GALNT13: variants seen among roughly 807,000 people sequenced by gnomAD.
GALNT13 encodes the protein polypeptide N-acetylgalactosaminyltransferase 13, also known as UDP-GalNAc:polypeptide N-acetylgalactosaminyltransferase 13.
Under a neutral mutation model 64.2 loss-of-function variants are expected in GALNT13, and 28 were observed. The observed-to-expected ratio is 0.44, with a 90% CI of 0.32 to 0.60. The LOEUF (loss-of-function observed/expected upper bound fraction) is 0.60. Among genes scored for constraint, GALNT13 ranks in the 20% least tolerant of loss-of-function variants. The pLI, the probability that GALNT13 is intolerant of heterozygous loss-of-function variation, is 0.05. For synonymous variants in GALNT13, 214 were observed against 224.6 expected, an observed-to-expected ratio of 0.95 and a Z score of 0.42; for missense variants, 577 against 669.8, an observed-to-expected ratio of 0.86 and a Z score of 1.53.
At chr2:154,028,320 C>T (rs1448727206) in intron 3 of GALNT13, among the ~76,000 whole-genome samples, 1 of 152,154 alleles carries the variant, frequency 6.6e-6, no homozygotes, top group South Asian at 2.1e-4. Context: ...TTATTCTTCA[C>T]AAGGCCATGA....
the GALNT13 span, among the ~76,000 whole-genome samples, chr2:153,450,600 C>CT: frequency 3.4e-5 from 5 of 149,098 alleles, no homozygotes; most frequent in African/African-American, 1.2e-4. Flanking sequence ...TTGGTCCACA[C>CT]TTTAAATTGT....
the GALNT13 span, among the ~76,000 whole-genome samples, chr2:153,664,201 T>G: frequency 6.6e-6 from 1 of 152,080 alleles, no homozygotes; most frequent in Non-Finnish European, 1.5e-5. Flanking sequence ...GCATATTTCA[T>G]CCCTTATCTT....
chr2:153,572,806 CA>C, the GALNT13 span, among the ~76,000 whole-genome samples: 1 of 151,462 alleles, frequency 6.6e-6, no homozygotes, highest in Admixed American at 6.6e-5. Context: ...TCAGAGTAGA[CA>C]CTTGATATTA....
chr2:153,695,449 C>A, the GALNT13 span, among the ~76,000 whole-genome samples: 13 of 152,160 alleles, frequency 8.5e-5, no homozygotes, highest in Non-Finnish European at 1.8e-4. Context: ...ACAGCAACCA[C>A]ATATGGGCAG....
At chr2:154,327,492 G>A (rs1000585114) in intron 9 of GALNT13, among the ~76,000 whole-genome samples, 3 of 152,040 alleles carry the variant, frequency 2.0e-5, no homozygotes, top group Non-Finnish European at 4.4e-5. Flanking sequence ...GGTGACAGAG[G>A]GGAACTAATT....
chr2:153,505,414 T>G, the GALNT13 span, among the ~76,000 whole-genome samples: 1 of 152,148 alleles, frequency 6.6e-6, no homozygotes, highest in Admixed American at 6.5e-5. Flanking sequence ...TTTCTTCTGT[T>G]GGGTTTGGGT....
At chr2:154,200,660 G>T (rs371621501) in intron 4 of GALNT13, among the ~76,000 whole-genome samples, 1 of 152,120 alleles carries the variant, frequency 6.6e-6, no homozygotes, top group Non-Finnish European at 1.5e-5. Flanking sequence ...GGGCAAGAGG[G>T]CCAAGTATTG....
intron 1 of GALNT13, among the ~76,000 whole-genome samples, chr2:153,892,725 A>C (rs1220617519): frequency 6.6e-6 from 1 of 151,980 alleles, no homozygotes; most frequent in East Asian, 1.9e-4. Context: ...ATGAAATATA[A>C]ATTTCTTTAT....
At chr2:153,879,862 A>G (rs1387543287) in intron 1 of GALNT13, among the ~76,000 whole-genome samples, 2 of 152,232 alleles carry the variant, frequency 1.3e-5, no homozygotes, top group African/African-American at 2.4e-5. Flanking sequence ...TATAATTATG[A>G]ATGGGATAGT....
intron 3 of GALNT13, among the ~76,000 whole-genome samples, chr2:154,018,176 A>G (rs1258454184): frequency 2.0e-5 from 3 of 152,228 alleles, no homozygotes; most frequent in African/African-American, 7.2e-5. Context: ...GCAATCTCAT[A>G]CACTCAGTAA....
chr2:153,564,638 T>TA, the GALNT13 span, among the ~76,000 whole-genome samples: 1 of 152,078 alleles, frequency 6.6e-6, no homozygotes, highest in East Asian at 1.9e-4. Flanking sequence ...TTCTGATTTA[T>TA]AAAAAACCTC....
At chr2:154,165,361 T>A (rs979464864) in intron 4 of GALNT13, among the ~76,000 whole-genome samples, 12 of 152,150 alleles carry the variant, frequency 7.9e-5, no homozygotes, top group East Asian at 5.8e-4. Flanking sequence ...TTCTTTTTTT[T>A]AATTTTTCTT....
At chr2:154,149,942 T>C (rs1054945444) in intron 4 of GALNT13, among the ~76,000 whole-genome samples, 2 of 152,218 alleles carry the variant, frequency 1.3e-5, no homozygotes, top group Non-Finnish European at 2.9e-5. Flanking sequence ...CTGATTTCCC[T>C]GGCCAGAACG....
At chr2:154,024,570 G>C (rs890825644) in intron 3 of GALNT13, among the ~76,000 whole-genome samples, 1 of 151,986 alleles carries the variant, frequency 6.6e-6, no homozygotes, top group Non-Finnish European at 1.5e-5. Context: ...TCTCTGCGTT[G>C]GTTATTCTAG....
At chr2:153,109,451 G>C in the GALNT13 span, among the ~76,000 whole-genome samples, 1 of 152,142 alleles carries the variant, frequency 6.6e-6, no homozygotes, top group African/African-American at 2.4e-5. Flanking sequence ...CCCTTTCAGA[G>C]AGTTCAATTG....
chr2:153,364,741 C>T, the GALNT13 span, among the ~76,000 whole-genome samples: 1 of 152,180 alleles, frequency 6.6e-6, no homozygotes, highest in East Asian at 1.9e-4. Flanking sequence ...AGAGAGGACA[C>T]AAACAAATGG....
chr2:154,239,013 A>G (rs1689340394), intron 4 of GALNT13, among the ~76,000 whole-genome samples: 1 of 152,108 alleles, frequency 6.6e-6, no homozygotes. Context: ...GAAGAGGAAG[A>G]ATTAATTAAA....
chr2:153,451,514 A>T, the GALNT13 span, among the ~76,000 whole-genome samples: 2 of 152,212 alleles, frequency 1.3e-5, no homozygotes, highest in Non-Finnish European at 2.9e-5. Context: ...AAATTACATT[A>T]AATTCTTTCT....
chr2:154,262,886 A>G (rs896961746), intron 8 of GALNT13, among the ~76,000 whole-genome samples: 1 of 152,166 alleles, frequency 6.6e-6, no homozygotes, highest in African/African-American at 2.4e-5. Context: ...GATAAAATGA[A>G]CCAAGAAAAT....
Sources: gnomAD v4.1 joint callset for allele counts (sites outside exome capture counted in the v4.1 genomes callset) on GRCh38, gnomAD v4.1.1 for gene constraint, MANE v1.5 for transcripts, NCBI Gene and HGNC (gene_info 2026-07-23, HGNC 2026-07-21) for gene names.